The following IDH2 variants were observed in gnomAD, a reference collection of about 807,000 sequenced individuals.
IDH2 encodes isocitrate dehydrogenase (NADP(+)) 2, also known as isocitrate dehydrogenase [NADP], mitochondrial.
IDH2 carries 18 observed loss-of-function variants against 50.5 expected under a neutral mutation model. The ratio of observed to expected loss-of-function variants is 0.36; its 90% CI spans 0.25 to 0.53. IDH2 has a LOEUF of 0.53. IDH2 is among the 20% of genes least tolerant of loss of function. The pLI is 0.92. For missense variants in IDH2, 518 were observed against 610.7 expected, an observed-to-expected ratio of 0.85 and a Z score of 1.60; for synonymous variants, 280 against 239.8, an observed-to-expected ratio of 1.17 and a Z score of -1.55.
At position 90,100,769 on chromosome 15, in the gene IDH2, T is replaced by A; in HGVS notation, c.115+1507A>T. On this transcript the variant is annotated intron_variant, in intron 1 of 10. Transcript: ENST00000330062. This position sits in a 1 kb window ranked among gnomAD's most constrained non-coding sequence, Gnocchi z 4.1. ...TAACAAGCTGGCAGAGTCGCAACTG[T>A]AGAGTCTGATGTCCAACTCCAACAC... 1 of 413,920 alleles carries A rather than the reference T, an allele frequency of 2.4e-6. No homozygotes were observed. Among genetic ancestry groups the A allele is most frequent in the Non-Finnish European group, 3.3e-6 (1 of 307,330 alleles). The allele number at this position is 413,920 out of a possible 1,614,324, so 25.6% of individuals were successfully genotyped here. A position where few individuals can be genotyped will look rare whatever the true frequency, so the allele number is the denominator to read the frequency against.
chr15:90,092,739 G>C (rs551226999), intron 1 of IDH2, among the ~76,000 whole-genome samples: 2 of 152,212 alleles, frequency 1.3e-5, no homozygotes, highest in African/African-American at 4.8e-5. Context: ...ACAACACCTG[G>C]CTAATTTTTT....
intron 1 of IDH2, 125 bp from the exon 2 acceptor site, chr15:90,091,769 G>T: frequency 1.3e-6 from 1 of 798,260 alleles, no homozygotes; most frequent in Non-Finnish European, 2.2e-6. Flanking sequence ...GCTGCCCGGT[G>T]TCCACTCCCC....
Position 90,083,784 on chromosome 15 carries a change from G to A in IDH2, c.*482C>T, listed in dbSNP as rs1900782924. On this transcript the variant is annotated 3_prime_UTR_variant, in exon 11 of 11. Coordinates refer to ENST00000330062, the MANE Select transcript of IDH2 (RefSeq NM_002168.4). ...AATTCCAGGGAACCCACAGGCCTGTGCCCTGAGTGTCCGAGAACTCCGCAG... is the reference window on the plus strand; with the variant it reads ...AATTCCAGGGAACCCACAGGCCTGTACCCTGAGTGTCCGAGAACTCCGCAG... 1 of 233,748 alleles carries A rather than the reference G, an allele frequency of 4.3e-6. No homozygotes were observed. Among genetic ancestry groups the A allele is most frequent in the Non-Finnish European group, 8.6e-6 (1 of 116,256 alleles). 14.5% of individuals were successfully genotyped at this position (233,748 alleles called of 1,614,324 possible).
intron 1 of IDH2, among the ~76,000 whole-genome samples, chr15:90,092,539 G>A (rs1901069584): frequency 1.3e-5 from 2 of 152,062 alleles, no homozygotes; most frequent in African/African-American, 2.4e-5. Flanking sequence ...CCAAGTAGCT[G>A]GGACTACAGG....
Position 90,084,213 on chromosome 15 carries a change from AC to A in IDH2, c.*52del. ...CTCACCCTCTGCCGCGCTCAGGAGG[AC>A]CCGCCGGCTCAGCCCTGGCCCCTCC... On this transcript the variant is annotated 3_prime_UTR_variant, in exon 11 of 11. Transcript: ENST00000330062. The surrounding 1 kb of genome is among the most constrained non-coding windows in gnomAD (Gnocchi z 5.0). The A allele has an allele frequency of 6.7e-7, 1 of 1,489,808 alleles. No individual in the cohort carries two copies. The highest frequency in any genetic ancestry group is 2.3e-5 in the East Asian group (1 of 43,664). 92.3% of individuals were successfully genotyped at this position (1,489,808 alleles called of 1,614,324 possible). A position where few individuals can be genotyped will look rare whatever the true frequency, so the allele number is the denominator to read the frequency against.
At chr15:90,094,994 C>T (rs1185130407) in intron 1 of IDH2, among the ~76,000 whole-genome samples, 1 of 151,998 alleles carries the variant, frequency 6.6e-6, no homozygotes, top group Non-Finnish European at 1.5e-5. Flanking sequence ...ACCACCTCGG[C>T]ACATTTAAAA....
At chr15:90,090,364 C>T (rs965110774) in intron 3 of IDH2, 115 bp downstream of exon 3, 42 of 1,181,930 alleles carry the variant, frequency 3.6e-5, no homozygotes, top group Non-Finnish European at 4.9e-5. Context: ...TGGAGCCTCC[C>T]AACCTCCCAG....
chr15:90,100,759 G>C lies in IDH2; in HGVS notation c.115+1517C>G. The C allele has an allele frequency of 1.9e-6, 1 of 533,514 alleles. No individual in the cohort carries two copies. Among genetic ancestry groups the C allele is most frequent in the Non-Finnish European group, 2.4e-6 (1 of 416,896 alleles). 33.0% of individuals were successfully genotyped at this position (533,514 alleles called of 1,614,324 possible). On this transcript the variant is annotated intron_variant, in intron 1 of 10. Coordinates refer to ENST00000330062, the MANE Select transcript of IDH2 (RefSeq NM_002168.4). The surrounding 1 kb of genome is among the most constrained non-coding windows in gnomAD (Gnocchi z 4.1). ...CGTTGCCAGGTAACAAGCTGGCAGA[G>C]TCGCAACTGTAGAGTCTGATGTCCA...
At chr15:90,087,777 G>A (rs1341266172) in intron 5 of IDH2, among the ~76,000 whole-genome samples, 5 of 130,022 alleles carry the variant, frequency 3.8e-5, no homozygotes, top group African/African-American at 9.1e-5. Context: ...GTAAAACACC[G>A]CCTTTTTTTT....
Position 90,100,810 on chromosome 15 carries a change from T to C in IDH2, c.115+1466A>G. ...ACTCCAACACCAAGCAATTTCCCCA[T>C]TCATAACCAACCCACATGGGGACTT... On this transcript the variant is annotated intron_variant, in intron 1 of 10. Transcript: ENST00000330062. The surrounding 1 kb of genome is among the most constrained non-coding windows in gnomAD (Gnocchi z 4.1). 1 of 203,800 alleles carries C rather than the reference T, an allele frequency of 4.9e-6. No individual in the cohort carries two copies. The highest frequency in any genetic ancestry group is 8.7e-6 in the Non-Finnish European group (1 of 115,050). 12.6% of individuals were successfully genotyped at this position (203,800 alleles called of 1,614,324 possible). A position where few individuals can be genotyped will look rare whatever the true frequency, so the allele number is the denominator to read the frequency against.
At chr15:90,091,752 G>C in intron 1 of IDH2, 108 bp from the exon 2 acceptor site, 2 of 894,020 alleles carry the variant, frequency 2.2e-6, no homozygotes, top group Non-Finnish European at 3.7e-6. Flanking sequence ...AGAAAGCCAG[G>C]GCTCCAGCTG....
chr15:90,091,927 A>G (rs1256219309), intron 1 of IDH2, among the ~76,000 whole-genome samples: 1 of 152,230 alleles, frequency 6.6e-6, no homozygotes, highest in Admixed American at 6.5e-5. Context: ...TGGGCCACAC[A>G]GCAGGAGGAG....
Position 90,090,541 on chromosome 15 carries a change from G to T in IDH2, c.311C>A (p.Thr104Asn), listed in dbSNP as rs191685011. 1 of 1,614,192 alleles carries T rather than the reference G, an allele frequency of 6.2e-7. No homozygotes were observed. Among genetic ancestry groups the T allele is most frequent in the East Asian group, 2.2e-5 (1 of 44,888 alleles). Residue 104 changes from threonine (T) to asparagine (N), a missense_variant, in exon 3 of 11, where the codon ACC (threonine) becomes AAC (asparagine). Around this residue, in one of 5 missense-constraint regions of IDH2, gnomAD observed 68 missense variants for 109.7 expected, o/e 0.62. Coordinates refer to ENST00000330062, the MANE Select transcript of IDH2 (RefSeq NM_002168.4). ...DQVTIDSALA[T>N]QKYSVAVKCA... ...CTTGACAGCCACACTGTACTTCTGG[G>T]TGGCCAGTGCAGAGTCAATGGTGAC... is the stretch of plus-strand genomic sequence containing the variant.
At chr15:90,096,488 GAA>G (rs1445421317) in intron 1 of IDH2, among the ~76,000 whole-genome samples, 2 of 151,266 alleles carry the variant, frequency 1.3e-5, no homozygotes, top group Non-Finnish European at 2.9e-5. Context: ...CTACTATCAG[GAA>G]AAGAAAAACA....
At position 90,084,044 on chromosome 15, in the gene IDH2, T is replaced by C. The variant is rs528326677; in HGVS notation, c.*222A>G. 28 of 589,272 alleles carry C rather than the reference T, an allele frequency of 4.8e-5. No homozygotes were observed. In the East Asian group the frequency reaches 7.8e-4, roughly 16 times the overall value. 36.5% of individuals were successfully genotyped at this position (589,272 alleles called of 1,614,324 possible). A position where few individuals can be genotyped will look rare whatever the true frequency, so the allele number is the denominator to read the frequency against. ...GTTCCAAGGGCAATATAAATTACAG[T>C]ATGCAAAACATACTGACTGGCTGAG... On this transcript the variant is annotated 3_prime_UTR_variant, in exon 11 of 11. Coordinates refer to ENST00000330062, the MANE Select transcript of IDH2 (RefSeq NM_002168.4). This position sits in a 1 kb window ranked among gnomAD's most constrained non-coding sequence, Gnocchi z 5.0.
chr15:90,091,172 C>T (rs942849043), intron 2 of IDH2, among the ~76,000 whole-genome samples: 1 of 152,210 alleles, frequency 6.6e-6, no homozygotes, highest in Admixed American at 6.5e-5. Flanking sequence ...GGTGGCTCGT[C>T]ACAACTGCAG....
chr15:90,086,962 G>T (rs1304690613), intron 7 of IDH2, 150 bp downstream of exon 7: 10 of 793,918 alleles, frequency 1.3e-5, no homozygotes, highest in Non-Finnish European at 1.7e-5. Flanking sequence ...TCACTCAGAT[G>T]CCAGGGAGCT....
At chr15:90,092,326 C>T (rs1901059843) in intron 1 of IDH2, among the ~76,000 whole-genome samples, 1 of 137,666 alleles carries the variant, frequency 7.3e-6, no homozygotes, top group Non-Finnish European at 1.7e-5. Context: ...CACCTGGATC[C>T]ATCCATCCTT....
At position 90,088,431 on chromosome 15, in the gene IDH2, A is replaced by T; in HGVS notation, c.606T>A (p.Ser202Arg). ...TGTACACTTCCCACTCCTTGACACC[A>T]CTGCCATCTTTTGGGGTGAAGACCA... The part of the protein sequence containing the change: ...FKMVFTPKDG[S>R]GVKEWEVYNF... The change falls in exon 5 of 11, where the codon AGT becomes AGA. Residue 202 changes from serine to arginine, a missense_variant. By Grantham distance (110) the Ser-to-Arg change is moderately radical. Coordinates refer to ENST00000330062, the MANE Select transcript of IDH2 (RefSeq NM_002168.4). 6.2e-7 allele frequency: 1 copy of T among 1,614,182 alleles called. No homozygotes were observed. The highest frequency in any genetic ancestry group is 8.5e-7 in the Non-Finnish European group (1 of 1,180,032).
Sources: allele counts gnomAD v4.1 joint callset (sites outside exome capture counted in the v4.1 genomes callset), GRCh38; gene constraint gnomAD v4.1.1; regional missense constraint gnomAD v4.1.1; non-coding constraint Gnocchi (gnomAD v3.1); transcripts MANE v1.5; gene names NCBI Gene and HGNC (gene_info 2026-07-23, HGNC 2026-07-21).